The following LVRN variants were observed in gnomAD, a reference collection of about 807,000 sequenced individuals.
LVRN encodes aminopeptidase Q.
Under a neutral mutation model 111.4 loss-of-function variants are expected in LVRN, and 99 were observed. The observed-to-expected ratio is 0.89, with a 90% CI of 0.76 to 1.05. The LOEUF (loss-of-function observed/expected upper bound fraction) is 1.05, where lower values mean the gene tolerates loss of function less well. Ranked by LOEUF, LVRN falls within the 50% of genes least tolerant of loss-of-function variation. LVRN has a pLI of 0.00. For missense variants in LVRN, 1,414 were observed against 1,206.8 expected, an observed-to-expected ratio of 1.17 and a Z score of -2.54; for synonymous variants, 488 against 449.5, an observed-to-expected ratio of 1.09 and a Z score of -1.08.
At chr5:116,024,785 T>C (rs1748828192) in intron 19 of LVRN, among the ~76,000 whole-genome samples, 1 of 152,150 alleles carries the variant, frequency 6.6e-6, no homozygotes, top group Non-Finnish European at 1.5e-5. Context: ...ATTATTGCAA[T>C]TTAAAAAAAT....
chr5:116,012,504 T>TTAATTATTTTTTCATATTAATAG, intron 15 of LVRN, 36 bp downstream of exon 15: 1 of 1,261,040 alleles, frequency 7.9e-7, no homozygotes, highest in Non-Finnish European at 1.1e-6. Flanking sequence ...TTGAATAAAA[T>TTAATTATTTTTTCATATTAATAG]GCATTCATAT....
rs549357460 is a variant in LVRN at position 116,026,908 on chromosome 5, T to A, written c.*790T>A. On this transcript the variant is annotated 3_prime_UTR_variant, in exon 20 of 20. Transcript: ENST00000357872. Reference sequence around the variant, plus strand: ...GATGGACACCCTTTCAGCCTAAGCGTACGAGTGAAAACAATGATGTCAAAA... The same window carrying A: ...GATGGACACCCTTTCAGCCTAAGCGAACGAGTGAAAACAATGATGTCAAAA... 6.6e-6 allele frequency: 1 copy of A among 152,330 alleles called. No homozygotes were observed. Among genetic ancestry groups the A allele is most frequent in the East Asian group, 1.9e-4 (1 of 5,180 alleles). The allele number at this position is 152,330 out of a possible 1,614,324, so 9.4% of individuals were successfully genotyped here.
In LVRN at chr5:115,983,430, G is replaced by T; in HGVS notation, c.838+1G>T. 6.3e-7 allele frequency: 1 copy of T among 1,594,998 alleles called. No homozygotes were observed. Among genetic ancestry groups the T allele is most frequent in the Non-Finnish European group, 8.5e-7 (1 of 1,173,922 alleles). On this transcript the variant is annotated splice_donor_variant, in intron 2 of 19. Coordinates refer to ENST00000357872, the MANE Select transcript of LVRN (RefSeq NM_173800.5). LOFTEE classifies it high-confidence loss of function. ...GCCCTTTCCAACATGCCAAAGCTAG[G>T]TAAGTAATGCTTTCTGTCTATATCT... is the stretch of plus-strand genomic sequence containing the variant.
At chr5:116,010,712 T>G in intron 13 of LVRN, 29 bp from the exon 14 acceptor site, 1 of 1,572,676 alleles carries the variant, frequency 6.4e-7, no homozygotes, top group Non-Finnish European at 8.6e-7. Context: ...TGAAGGTTTT[T>G]TGAGTGTGTG....
chr5:115,992,235 G>T lies in LVRN; in HGVS notation c.1218G>T (p.Lys406Asn), dbSNP rs747430037. 4.3e-6 allele frequency: 7 copies of T among 1,613,928 alleles called. No individual in the cohort carries two copies. The highest frequency in any genetic ancestry group is 1.7e-5 in the Admixed American group (1 of 59,998). ...LEPKDQLTEK[K>N]TLISYVVSHE... ...CAAAAGATCAACTGACAGAAAAAAAGACTCTGATCTCCTATGTTGTCTCCC... is the reference window on the plus strand; with the variant it reads ...CAAAAGATCAACTGACAGAAAAAAATACTCTGATCTCCTATGTTGTCTCCC... The change falls in exon 5 of 20, where the codon AAG (lysine) becomes AAT (asparagine). Residue 406 changes from lysine (K) to asparagine (N), a missense_variant. Coordinates refer to ENST00000357872, the MANE Select transcript of LVRN (RefSeq NM_173800.5).
At chr5:115,995,085 G>T (rs949617631) in intron 6 of LVRN, among the ~76,000 whole-genome samples, 2 of 152,086 alleles carry the variant, frequency 1.3e-5, no homozygotes, top group African/African-American at 2.4e-5. Context: ...TATTAATATT[G>T]AAATGCTATC....
chr5:115,999,687 G>A, intron 6 of LVRN, 75 bp from the exon 7 acceptor site: 1 of 1,499,640 alleles, frequency 6.7e-7, no homozygotes, highest in Non-Finnish European at 9.1e-7. Flanking sequence ...GTTTTTGAAA[G>A]TATTTTAGGG....
intron 1 of LVRN, among the ~76,000 whole-genome samples, chr5:115,966,422 T>G (rs1411655865): frequency 2.6e-5 from 4 of 152,272 alleles, no homozygotes; most frequent in Non-Finnish European, 4.4e-5. Context: ...TATGGATGTA[T>G]GAAAGTTTAT....
rs773774374 is a variant in LVRN, at chr5:116,002,922, A to C, written c.1897+11A>C. ...TAGATCAAAGCAGCAGTAAGTAACAAATTTTAAAAACATCTTTATATATAT... is the reference window on the plus strand; with the variant it reads ...TAGATCAAAGCAGCAGTAAGTAACACATTTTAAAAACATCTTTATATATAT... On this transcript the variant is annotated intron_variant, in intron 11 of 19. Coordinates refer to ENST00000357872, the MANE Select transcript of LVRN (RefSeq NM_173800.5). The C allele has an allele frequency of 2.6e-6, 4 of 1,568,526 alleles. No individual in the cohort carries two copies. The highest frequency in any genetic ancestry group is 1.1e-5 in the South Asian group (1 of 87,624).
At chr5:115,966,892 A>G (rs766676318) in intron 1 of LVRN, among the ~76,000 whole-genome samples, 1 of 152,186 alleles carries the variant, frequency 6.6e-6, no homozygotes, top group African/African-American at 2.4e-5. Flanking sequence ...GTCTCCAATG[A>G]CTAATGATGT....
rs564392166 is a variant in LVRN at position 115,973,191 on chromosome 5, A to C, written c.695+9879A>C. Among the ~76,000 whole-genome samples, 307 of 152,292 alleles carry C rather than the reference A, an allele frequency of 2.0e-3. 1 individual carries two copies. Among genetic ancestry groups the C allele is most frequent in the South Asian group, 8.9e-3 (43 of 4,824 alleles). On this transcript the variant is annotated intron_variant, in intron 1 of 19. Transcript: ENST00000357872. Reference sequence around the variant, plus strand: ...GGAATCCATCTCCCTTGGCCTCCCAAAGTGTTGGAATTACAGGCATGAGCC... The same window carrying C: ...GGAATCCATCTCCCTTGGCCTCCCACAGTGTTGGAATTACAGGCATGAGCC...
chr5:116,012,248 G>T, intron 14 of LVRN, 126 bp from the exon 15 acceptor site: 1 of 605,862 alleles, frequency 1.7e-6, no homozygotes, highest in Non-Finnish European at 3.0e-6. Flanking sequence ...AACAGATAAA[G>T]GTAATTTCTG....
At position 116,027,033 on chromosome 5, in the gene LVRN, C is replaced by T. The variant is rs1748881876; in HGVS notation, c.*915C>T. On this transcript the variant is annotated 3_prime_UTR_variant, in exon 20 of 20. Coordinates refer to ENST00000357872, the MANE Select transcript of LVRN (RefSeq NM_173800.5). ...CTGGAGCATAATCCTTACAGTTTTG[C>T]ACTCAGGGGATTAAGTTTGAAACAT... 1 of 152,168 alleles carries T rather than the reference C, an allele frequency of 6.6e-6. No individual in the cohort carries two copies. The highest frequency in any genetic ancestry group is 2.1e-4 in the South Asian group (1 of 4,818). 9.4% of individuals were successfully genotyped at this position (152,168 alleles called of 1,614,324 possible). A position where few individuals can be genotyped will look rare whatever the true frequency, so the allele number is the denominator to read the frequency against.
At chr5:115,978,028 G>T (rs748719311) in intron 1 of LVRN, among the ~76,000 whole-genome samples, 6 of 152,246 alleles carry the variant, frequency 3.9e-5, no homozygotes, top group Non-Finnish European at 8.8e-5. Context: ...GGTGAAAGCA[G>T]CATGATTAAA....
chr5:116,022,726 G>A (rs150928345), intron 19 of LVRN, among the ~76,000 whole-genome samples: 85 of 152,232 alleles, frequency 5.6e-4, no homozygotes, highest in Non-Finnish European at 6.9e-4. Context: ...GTCCCAGACC[G>A]GGCTTCCCTC....
At chr5:115,964,576 A>T (rs2112543413) in intron 1 of LVRN, among the ~76,000 whole-genome samples, 1 of 151,430 alleles carries the variant, frequency 6.6e-6, no homozygotes, top group East Asian at 1.9e-4. Flanking sequence ...GAAAAAATAG[A>T]AACACTTCAC....
chr5:116,020,642 CAA>C (rs1234157149), intron 18 of LVRN, among the ~76,000 whole-genome samples: 7 of 152,160 alleles, frequency 4.6e-5, no homozygotes, highest in Non-Finnish European at 8.8e-5. Flanking sequence ...GGAGCACAAG[CAA>C]AGTGAGAAGT....
intron 19 of LVRN, among the ~76,000 whole-genome samples, chr5:116,024,134 A>C (rs985886601): frequency 2.6e-5 from 4 of 152,172 alleles, no homozygotes; most frequent in African/African-American, 9.7e-5. Flanking sequence ...GGTAGAAGAA[A>C]TGTACTTGAT....
At chr5:115,998,629 A>G (rs1176949995) in intron 6 of LVRN, among the ~76,000 whole-genome samples, 2 of 152,168 alleles carry the variant, frequency 1.3e-5, no homozygotes, top group African/African-American at 2.4e-5. Flanking sequence ...GTAGGATCAG[A>G]CCTATGCAGA....
Sources: allele counts gnomAD v4.1 joint callset (sites outside exome capture counted in the v4.1 genomes callset), GRCh38; gene constraint gnomAD v4.1.1; transcripts MANE v1.5; gene names NCBI Gene and HGNC (gene_info 2026-07-23, HGNC 2026-07-21).